NLRC5: variants seen among roughly 807,000 people sequenced by gnomAD.
NLRC5 encodes the protein protein NLRC5.
Under a neutral mutation model 206.9 loss-of-function variants are expected in NLRC5, and 114 were observed. The observed-to-expected ratio is 0.55, with a 90% CI of 0.47 to 0.64. The LOEUF (loss-of-function observed/expected upper bound fraction) is 0.64, where lower values mean the gene tolerates loss of function less well. NLRC5 is among the 30% of genes least tolerant of loss of function. The pLI is 0.00. For synonymous variants in NLRC5, 952 were observed against 962.8 expected, an observed-to-expected ratio of 0.99 and a Z score of 0.21; for missense variants, 2,008 against 2,305.5, an observed-to-expected ratio of 0.87 and a Z score of 2.64.
rs188681007 is a variant in NLRC5, at chr16:56,996,608, C to A, written c.-128+6991C>A. On this transcript the variant is annotated intron_variant, in intron 1 of 48. Coordinates refer to ENST00000688547, the MANE Select transcript of NLRC5 (RefSeq NM_001384950.1). ...ATGGTGTTCTGGCTTTCAGATAAGT[C>A]AAAAAAAATCTCAAACATGAGTAAA... is the stretch of plus-strand genomic sequence containing the variant. Among the ~76,000 whole-genome samples the A allele has an allele frequency of 1.8e-3, 269 of 151,750 alleles. 2 individuals carry two copies. The highest frequency in any genetic ancestry group is 5.9e-3 in the African/African-American group (245 of 41,390).
chr16:57,062,189 C>T, intron 32 of NLRC5: 1 of 515,316 alleles, frequency 1.9e-6, no homozygotes, highest in South Asian at 1.6e-5. Context: ...TTATAGACCT[C>T]ATAATCCATC....
At chr16:57,059,865 G>C (rs2066194049) in intron 30 of NLRC5, among the ~76,000 whole-genome samples, 2 of 152,046 alleles carry the variant, frequency 1.3e-5, no homozygotes, top group South Asian at 4.1e-4. Context: ...ATAAATCCCT[G>C]ATCTGCCACT....
intron 45 of NLRC5, 72 bp downstream of exon 45, chr16:57,079,364 A>G (rs1597468104): frequency 6.5e-7 from 1 of 1,544,466 alleles, no homozygotes; most frequent in East Asian, 2.2e-5. Flanking sequence ...ACTGAGCCTA[A>G]CACCTGGGGA....
chr16:57,046,974 G>A (rs1567597556), intron 22 of NLRC5, among the ~76,000 whole-genome samples: 1 of 152,180 alleles, frequency 6.6e-6, no homozygotes, highest in Non-Finnish European at 1.5e-5. Flanking sequence ...AAAGGGGTTG[G>A]CCTGTCTCCC....
rs1318565981 is a variant in NLRC5, at chr16:57,066,464, A to G, written c.4242-70A>G. The G allele has an allele frequency of 5.2e-6, 7 of 1,340,914 alleles. No homozygotes were observed. The East Asian group carries it at 1.6e-4, about 31-fold the overall frequency. 83.1% of individuals were successfully genotyped at this position (1,340,914 alleles called of 1,614,324 possible). A position where few individuals can be genotyped will look rare whatever the true frequency, so the allele number is the denominator to read the frequency against. On this transcript the variant is annotated intron_variant, in intron 33 of 48. Coordinates refer to ENST00000688547, the MANE Select transcript of NLRC5 (RefSeq NM_001384950.1). ...TGAGAGTTCAGAGTTGGAGCCGGGCAGCCCAGGTGCCAGCTAGGCCCTCCG... is the reference window on the plus strand; with the variant it reads ...TGAGAGTTCAGAGTTGGAGCCGGGCGGCCCAGGTGCCAGCTAGGCCCTCCG...
intron 7 of NLRC5, 68 bp from the exon 8 acceptor site, chr16:57,028,234 A>T: frequency 1.3e-6 from 2 of 1,576,404 alleles, no homozygotes; most frequent in South Asian, 1.1e-5. Context: ...AATCCTACAC[A>T]AGGCAGATTC....
At chr16:57,059,388 T>C (rs1201577421) in intron 29 of NLRC5, 79 bp from the exon 30 acceptor site, 2 of 1,545,002 alleles carry the variant, frequency 1.3e-6, no homozygotes, top group African/African-American at 2.7e-5. Flanking sequence ...CTTCCCTCTC[T>C]GTGCCCTGTG....
chr16:57,075,222 T>G (rs2068249824), intron 39 of NLRC5, among the ~76,000 whole-genome samples: 1 of 152,018 alleles, frequency 6.6e-6, no homozygotes, highest in Admixed American at 6.6e-5. Context: ...TTTCTTTTTT[T>G]GTTTGTTTGT....
chr16:57,036,759 C>G (rs1193162495), intron 14 of NLRC5, among the ~76,000 whole-genome samples: 1 of 151,836 alleles, frequency 6.6e-6, no homozygotes, highest in Admixed American at 6.6e-5. Context: ...CTTTGGATTT[C>G]AATCTTCGCT....
chr16:57,025,368 A>G lies in NLRC5; in HGVS notation c.425A>G (p.Glu142Gly), dbSNP rs113208427. 6.5e-6 allele frequency: 10 copies of G among 1,531,580 alleles called. No homozygotes were observed. Among genetic ancestry groups the G allele is most frequent in the Non-Finnish European group, 7.9e-6 (9 of 1,140,474 alleles). The allele number at this position is 1,531,580 out of a possible 1,614,324, so 94.9% of individuals were successfully genotyped here. Reference sequence around the variant, plus strand: ...CATGCCATGTCCCTGCCCCTTGCAGAGTTGGCCAAGAAGTACCTGCAGCTC... The same window carrying G: ...CATGCCATGTCCCTGCCCCTTGCAGGGTTGGCCAAGAAGTACCTGCAGCTC... Reference protein sequence around the residue: ...RRKQCKKQQLELAKKYLQLLR... With the variant: ...RRKQCKKQQLGLAKKYLQLLR... Residue 142 changes from glutamate to glycine, a missense_variant and splice_region_variant, in exon 6 of 49, where the codon GAG becomes GGG. Physicochemically the swap from Glu to Gly is moderately conservative, Grantham distance 98. Coordinates refer to ENST00000688547, the MANE Select transcript of NLRC5 (RefSeq NM_001384950.1).
chr16:57,081,817 A>G (rs1816664828), intron 48 of NLRC5, among the ~76,000 whole-genome samples: 1 of 152,236 alleles, frequency 6.6e-6, no homozygotes, highest in African/African-American at 2.4e-5. Context: ...TGTAGCCATA[A>G]CTCAACCTCT....
intron 1 of NLRC5, chr16:56,990,998 T>C (rs2056759994): frequency 6.6e-6 from 1 of 152,222 alleles, no homozygotes; most frequent in African/African-American, 2.4e-5. Flanking sequence ...CAACAACTGG[T>C]ATTTGCTGGA....
rs1435977698 is a variant in NLRC5 at position 57,077,736 on chromosome 16, T to G, written c.4937T>G (p.Ile1646Ser). 2.5e-6 allele frequency: 4 copies of G among 1,595,604 alleles called. No homozygotes were observed. Among genetic ancestry groups the G allele is most frequent in the Non-Finnish European group, 3.4e-6 (4 of 1,169,748 alleles). The change falls in exon 42 of 49, where the codon ATC becomes AGC. Residue 1646 changes from isoleucine to serine, a missense_variant. By Grantham distance (142) the Ile-to-Ser change is moderately radical (BLOSUM62 -2). Coordinates refer to ENST00000688547, the MANE Select transcript of NLRC5 (RefSeq NM_001384950.1). ...TCCCACAGCCTCTCAGGGAATAGCA[T>G]CAGCTCAGCCGGGGGAGTGCAGTTG... ...LRKIDLSGNS[I>S]SSAGGVQLAE... is the part of the protein sequence containing the mutation.
At chr16:57,070,683 G>A in intron 38 of NLRC5, 65 bp downstream of exon 38, 1 of 1,385,800 alleles carries the variant, frequency 7.2e-7, no homozygotes, top group Non-Finnish European at 1.0e-6. Flanking sequence ...GTGGAAGTGG[G>A]TGAGTGGTGG....
rs943609245 is a variant in NLRC5, at chr16:57,053,169, G to T, written c.3506+1548G>T. On this transcript the variant is annotated intron_variant, in intron 24 of 48. Coordinates refer to ENST00000688547, the MANE Select transcript of NLRC5 (RefSeq NM_001384950.1). The stretch of plus-strand genomic sequence containing the variant: ...GATAAGAGAATTTTCTCGGGATGTG[G>T]TGAAGAGTGGCTGGAGAGGTGATTT... 3 of 152,252 alleles carry T rather than the reference G, an allele frequency of 2.0e-5. No homozygotes were observed. In the East Asian group the frequency reaches 5.8e-4, roughly 29 times the overall value. The allele number at this position is 152,252 out of a possible 1,614,324, so 9.4% of individuals were successfully genotyped here. A position where few individuals can be genotyped will look rare whatever the true frequency, so the allele number is the denominator to read the frequency against.
intron 27 of NLRC5, among the ~76,000 whole-genome samples, chr16:57,057,146 C>T (rs1412477711): frequency 5.9e-5 from 9 of 152,140 alleles, no homozygotes; most frequent in East Asian, 1.9e-4. Flanking sequence ...ACTAGCTGGG[C>T]GTGGTGGCTC....
intron 39 of NLRC5, among the ~76,000 whole-genome samples, chr16:57,076,509 T>A (rs1046023756): frequency 2.6e-5 from 4 of 152,230 alleles, no homozygotes; most frequent in African/African-American, 9.6e-5. Flanking sequence ...GAGGTGAAGC[T>A]TGGCAAAGAA....
At position 57,026,035 on chromosome 16, in the gene NLRC5, G is replaced by T; in HGVS notation, c.1092G>T (p.Met364Ile). ...CLPAEAAMVH[M>I]LGFDGPRVEE... The stretch of plus-strand genomic sequence containing the variant: ...CTGCAGAGGCAGCCATGGTCCACAT[G>T]TTGGGCTTTGATGGGCCACGGGTGG... The change falls in exon 6 of 49, where the codon ATG (methionine) becomes ATT (isoleucine). Residue 364 changes from methionine to isoleucine, a missense_variant. Met to Ile is a conservative substitution (Grantham distance 10). Transcript: ENST00000688547. 6.2e-7 allele frequency: 1 copy of T among 1,614,040 alleles called. No individual in the cohort carries two copies. Among genetic ancestry groups the T allele is most frequent in the Non-Finnish European group, 8.5e-7 (1 of 1,180,048 alleles).
In NLRC5 at chr16:57,082,610, G is replaced by C. The variant is rs1342468250; in HGVS notation, c.*82G>C. The C allele has an allele frequency of 9.9e-7, 1 of 1,011,602 alleles. No homozygotes were observed. Among genetic ancestry groups the C allele is most frequent in the African/African-American group, 1.6e-5 (1 of 62,528 alleles). 62.7% of individuals were successfully genotyped at this position (1,011,602 alleles called of 1,614,324 possible). A position where few individuals can be genotyped will look rare whatever the true frequency, so the allele number is the denominator to read the frequency against. ...TTCGCCCACTGGGATAATTGACTCA[G>C]GAAAGAAGAGCCTCGGCAGGGCGCT... On this transcript the variant is annotated 3_prime_UTR_variant, in exon 49 of 49. Coordinates refer to ENST00000688547, the MANE Select transcript of NLRC5 (RefSeq NM_001384950.1).
Sources: allele counts gnomAD v4.1 joint callset (sites outside exome capture counted in the v4.1 genomes callset), GRCh38; gene constraint gnomAD v4.1.1; transcripts MANE v1.5; gene names NCBI Gene and HGNC (gene_info 2026-07-23, HGNC 2026-07-21).